The following ELF1 variants were observed in gnomAD, a reference collection of about 807,000 sequenced individuals.
ELF1 encodes the protein ETS-related transcription factor Elf-1.
In ELF1, 24 loss-of-function variants were observed where a neutral mutation model predicts 59.9. The observed-to-expected ratio is 0.40, with a 90% CI of 0.29 to 0.56. The LOEUF is 0.56. ELF1 is among the 20% of genes least tolerant of loss of function. The probability of loss-of-function intolerance (pLI) is 0.44; values close to 1 mark genes in which losing one functional copy is unlikely to be tolerated. For missense variants in ELF1, 627 were observed against 742.2 expected, an observed-to-expected ratio of 0.84 and a Z score of 1.80; for synonymous variants, 248 against 266.2, an observed-to-expected ratio of 0.93 and a Z score of 0.67.
At chr13:40,936,462 T>C (rs1003281584) in intron 8 of ELF1, among the ~76,000 whole-genome samples, 4 of 152,068 alleles carry the variant, frequency 2.6e-5, no homozygotes, top group African/African-American at 9.7e-5. Flanking sequence ...GAAAAAGATG[T>C]CCTTTTCTTG....
rs536082936 is a variant in ELF1 at position 40,967,183 on chromosome 13, C to T, written c.73-8167G>A. Among the ~76,000 whole-genome samples the T allele has an allele frequency of 2.8e-3, 432 of 152,336 alleles. 1 individual carries two copies. Among genetic ancestry groups the T allele is most frequent in the African/African-American group, 9.9e-3 (411 of 41,574 alleles). On this transcript the variant is annotated intron_variant, in intron 2 of 8. Coordinates refer to ENST00000239882, the MANE Select transcript of ELF1 (RefSeq NM_172373.4). Reference sequence around the variant, plus strand: ...TTATTCTTGAAATCACTTCCTTTTACATTTGATTTAAAAAACAAAAACCCA... The same window carrying T: ...TTATTCTTGAAATCACTTCCTTTTATATTTGATTTAAAAAACAAAAACCCA...
At position 40,943,925 on chromosome 13, in the gene ELF1, C is replaced by T. The variant is rs1870347391; in HGVS notation, c.530G>A (p.Gly177Glu). ...TGGTCGTGGTGGTTTAGTTTTTCTT[C>T]CTGAAATAAAAACAGCTCTGCATAA... is the stretch of plus-strand genomic sequence containing the variant. ...SSPEQPKRKK[G>E]RKTKPPRPDS... Residue 177 changes from glycine (G) to glutamate (E), a missense_variant and splice_region_variant, in exon 6 of 9, where the codon GGA becomes GAA. By Grantham distance (98) the Gly-to-Glu change is moderately conservative. Coordinates refer to ENST00000239882, the MANE Select transcript of ELF1 (RefSeq NM_172373.4). 1.9e-6 allele frequency: 3 copies of T among 1,612,714 alleles called. No homozygotes were observed. The highest frequency in any genetic ancestry group is 8.5e-7 in the Non-Finnish European group (1 of 1,179,398).
At chr13:41,056,322 C>T (rs1877286018) in intron 1 of ELF1, among the ~76,000 whole-genome samples, 1 of 152,204 alleles carries the variant, frequency 6.6e-6, no homozygotes, top group Non-Finnish European at 1.5e-5. Flanking sequence ...TACCTCATCC[C>T]TTTTTATTCC....
chr13:40,987,026 C>G (rs1344924445), intron 1 of ELF1, among the ~76,000 whole-genome samples: 1 of 149,030 alleles, frequency 6.7e-6, no homozygotes, highest in Non-Finnish European at 1.5e-5. Flanking sequence ...AGCTCCGCCT[C>G]CCGGGTTCAC....
chr13:41,039,839 G>A (rs965273203), intron 1 of ELF1, among the ~76,000 whole-genome samples: 5 of 151,968 alleles, frequency 3.3e-5, no homozygotes, highest in African/African-American at 1.2e-4. Flanking sequence ...AAATATGGAG[G>A]GAAAAAGCTA....
rs112152065 is a variant in ELF1 at position 40,995,354 on chromosome 13, G to C, written c.-228-13072C>G. 2.0e-4 allele frequency among the ~76,000 whole-genome samples: 30 copies of C among 152,248 alleles called. 1 individual carries two copies. Among genetic ancestry groups the C allele is most frequent in the African/African-American group, 7.2e-4 (30 of 41,552 alleles). On this transcript the variant is annotated intron_variant, in intron 1 of 8. Transcript: ENST00000239882. ...CAAATGTATTAACAAGGCTAAAATA[G>C]CTCCTCATGATGTGGAAGGTGTGAG...
intron 1 of ELF1, among the ~76,000 whole-genome samples, chr13:41,056,219 T>C (rs77200792): frequency 0.052 from 7,990 of 152,256 alleles, 468 homozygotes; most frequent in East Asian, 0.2. Flanking sequence ...CCTCTTTCTC[T>C]ATAGATTTGC....
intron 2 of ELF1, among the ~76,000 whole-genome samples, chr13:40,960,931 G>T (rs1342470848): frequency 6.6e-6 from 1 of 152,122 alleles, no homozygotes; most frequent in East Asian, 1.9e-4. Flanking sequence ...AGTGCAGTGT[G>T]GCGATCTTGA....
intron 1 of ELF1, among the ~76,000 whole-genome samples, chr13:41,007,407 C>T (rs368996922): frequency 6.6e-6 from 1 of 152,144 alleles, no homozygotes; most frequent in African/African-American, 2.4e-5. Flanking sequence ...CATTTGAAGG[C>T]ACATTCCACA....
At chr13:41,011,597 T>C (rs894785215) in intron 1 of ELF1, among the ~76,000 whole-genome samples, 7 of 151,148 alleles carry the variant, frequency 4.6e-5, no homozygotes, top group African/African-American at 1.7e-4. Context: ...TCACTCACCA[T>C]CATGCCTGGC....
intron 1 of ELF1, among the ~76,000 whole-genome samples, chr13:41,060,269 A>G (rs1010172569): frequency 9.2e-5 from 14 of 152,134 alleles, no homozygotes; most frequent in African/African-American, 3.4e-4. Context: ...GAACCACTAG[A>G]GCTACTGGTC....
At chr13:40,977,969 AAGG>A (rs1873016153) in intron 2 of ELF1, among the ~76,000 whole-genome samples, 1 of 152,250 alleles carries the variant, frequency 6.6e-6, no homozygotes, top group East Asian at 1.9e-4. Context: ...ATAAATGGTG[AAGG>A]GCTAACACCA....
chr13:41,023,637 A>G (rs9594480), upstream of ELF1, among the ~76,000 whole-genome samples: 23,594 of 152,224 alleles, frequency 0.15, 1,934 homozygotes, highest in Non-Finnish European at 0.19. Flanking sequence ...ATGCTCTATC[A>G]CTAGCTTTGT....
chr13:41,027,753 C>T (rs1466526870), intron 1 of ELF1, among the ~76,000 whole-genome samples: 1 of 152,198 alleles, frequency 6.6e-6, no homozygotes. Flanking sequence ...GACCATGGAA[C>T]TTATCTCAGT....
intron 1 of ELF1, among the ~76,000 whole-genome samples, chr13:40,997,415 G>A (rs1874186858): frequency 6.6e-6 from 1 of 151,974 alleles, no homozygotes; most frequent in African/African-American, 2.4e-5. Context: ...CCGCCACCAC[G>A]CCAGGCTAAT....
At chr13:40,993,293 C>A (rs1223336986) in intron 1 of ELF1, 19 of 1,559,544 alleles carry the variant, frequency 1.2e-5, no homozygotes, top group Middle Eastern at 2.3e-4. Flanking sequence ...TGAGACACAG[C>A]AGGTGTTCCT....
chr13:40,949,938 C>T lies in ELF1; in HGVS notation c.397G>A (p.Val133Ile), dbSNP rs753000405. 6.2e-7 allele frequency: 1 copy of T among 1,613,562 alleles called. No homozygotes were observed. The highest frequency in any genetic ancestry group is 1.3e-5 in the African/African-American group (1 of 74,976). Reference sequence around the variant, plus strand: ...GACACATGGGTGACTGGGGCAACAACCATGTCATCTTCAGGTGAACTAAAT... The same window carrying T: ...GACACATGGGTGACTGGGGCAACAATCATGTCATCTTCAGGTGAACTAAAT... ...NIFSSPEDDMVVAPVTHVSVT... is the reference protein window; with the variant it reads ...NIFSSPEDDMIVAPVTHVSVT... The change falls in exon 5 of 9, where the codon GTT (valine) becomes ATT (isoleucine). Residue 133 changes from valine (V) to isoleucine (I), a missense_variant. By Grantham distance (29) the Val-to-Ile change is conservative. Around this residue, in one of 3 missense-constraint regions of ELF1, gnomAD observed 232 missense variants for 269.2 expected, o/e 0.86. Transcript: ENST00000239882.
chr13:40,992,836 A>C lies in ELF1; in HGVS notation c.-228-10554T>G, dbSNP rs557528665. ...ATTAGGAGCCAACAAATTTCTGTTG[A>C]TCACCTCTCTAACTCAAGAATTCTC... is the stretch of plus-strand genomic sequence containing the variant. On this transcript the variant is annotated intron_variant, in intron 1 of 8. Transcript: ENST00000239882. The C allele has an allele frequency of 1.1e-5, 6 of 527,466 alleles. No homozygotes were observed. The African/African-American group carries it at 1.2e-4, about 10-fold the overall frequency. 32.7% of individuals were successfully genotyped at this position (527,466 alleles called of 1,614,324 possible). A position where few individuals can be genotyped will look rare whatever the true frequency, so the allele number is the denominator to read the frequency against.
chr13:40,941,771 C>T (rs192773803), intron 7 of ELF1, among the ~76,000 whole-genome samples: 130 of 152,248 alleles, frequency 8.5e-4, no homozygotes, highest in African/African-American at 1.8e-3. Flanking sequence ...AATCTTTCCA[C>T]GTCAGCCTCC....
Sources: gnomAD v4.1 joint callset for allele counts (sites outside exome capture counted in the v4.1 genomes callset) on GRCh38, gnomAD v4.1.1 for gene constraint, gnomAD v4.1.1 regional missense constraint, MANE v1.5 for transcripts, NCBI Gene and HGNC (gene_info 2026-07-23, HGNC 2026-07-21) for gene names.